The following PELI1 variants were observed in gnomAD, a reference collection of about 807,000 sequenced individuals.
The protein encoded by PELI1 is pellino E3 ubiquitin protein ligase 1.
Under a neutral mutation model 41.3 loss-of-function variants are expected in PELI1, and 15 were observed. The observed-to-expected ratio is 0.36, with a 90% CI of 0.24 to 0.56. The LOEUF is 0.56. Among genes scored for constraint, PELI1 ranks in the 20% least tolerant of loss-of-function variants. The probability of loss-of-function intolerance (pLI) is 0.82; values close to 1 mark genes in which losing one functional copy is unlikely to be tolerated. For missense variants in PELI1, 403 were observed against 525.5 expected, an observed-to-expected ratio of 0.77 and a Z score of 2.28; for synonymous variants, 178 against 180.1, an observed-to-expected ratio of 0.99 and a Z score of 0.09.
chr2:64,108,497 C>G, intron 1 of PELI1, 118 bp from the exon 2 acceptor site: 1 of 494,942 alleles, frequency 2.0e-6, no homozygotes. Context: ...AAGGTATATA[C>G]ATTTTATGGG....
intron 3 of PELI1, among the ~76,000 whole-genome samples, chr2:64,101,339 A>G (rs1680424446): frequency 6.6e-6 from 1 of 151,978 alleles, no homozygotes; most frequent in Admixed American, 6.5e-5. Flanking sequence ...TAAAAAAAAA[A>G]AACAAAAGAA....
At chr2:64,122,691 A>G (rs1181620956) in intron 1 of PELI1, among the ~76,000 whole-genome samples, 1 of 152,174 alleles carries the variant, frequency 6.6e-6, no homozygotes, top group African/African-American at 2.4e-5. Flanking sequence ...GGCATTTGCT[A>G]TTCTACAGTA....
At chr2:64,127,304 C>CCAGGCAGGAGGACTGCTTGAGCA (rs1266630354) in intron 1 of PELI1, among the ~76,000 whole-genome samples, 1 of 152,090 alleles carries the variant, frequency 6.6e-6, no homozygotes, top group Non-Finnish European at 1.5e-5. Context: ...TTTGGGAGGC[C>CCAGGCAGGAGGACTGCTTGAGCA]CAGGCAGGAG....
intron 1 of PELI1, among the ~76,000 whole-genome samples, chr2:64,130,300 C>T (rs1020424321): frequency 4.6e-5 from 7 of 152,114 alleles, no homozygotes; most frequent in African/African-American, 1.2e-4. Context: ...CACTATGCTA[C>T]GTTCATATAT....
chr2:64,111,977 C>T (rs1004429100), intron 1 of PELI1, among the ~76,000 whole-genome samples: 1 of 152,018 alleles, frequency 6.6e-6, no homozygotes, highest in Non-Finnish European at 1.5e-5. Flanking sequence ...AATTTAATAA[C>T]AATTAAATTT....
At chr2:64,139,006 C>A (rs1333012093) in intron 1 of PELI1, among the ~76,000 whole-genome samples, 1 of 152,228 alleles carries the variant, frequency 6.6e-6, no homozygotes, top group Non-Finnish European at 1.5e-5. Context: ...AAAACCCACA[C>A]ATCACATTTT....
chr2:64,099,390 AT>A (rs1680350573), intron 4 of PELI1, among the ~76,000 whole-genome samples: 2 of 152,300 alleles, frequency 1.3e-5, no homozygotes, highest in South Asian at 4.1e-4. Context: ...GTGAAAAATC[AT>A]CCTAAAGCTT....
intron 2 of PELI1, among the ~76,000 whole-genome samples, chr2:64,106,022 A>G (rs1432189232): frequency 6.6e-6 from 1 of 152,232 alleles, no homozygotes; most frequent in African/African-American, 2.4e-5. Context: ...CCTTTATAAA[A>G]AATAAAATAC....
At chr2:64,127,933 A>G (rs1681441291) in intron 1 of PELI1, among the ~76,000 whole-genome samples, 1 of 152,158 alleles carries the variant, frequency 6.6e-6, no homozygotes, top group Non-Finnish European at 1.5e-5. Context: ...TCAGATAAAA[A>G]CAGGCTCCTC....
intron 1 of PELI1, among the ~76,000 whole-genome samples, chr2:64,135,277 C>CT (rs1681679599): frequency 1.3e-5 from 2 of 152,202 alleles, no homozygotes; most frequent in South Asian, 4.1e-4. Flanking sequence ...TAAACTCAAA[C>CT]TGTTTCCTAC....
chr2:64,138,098 T>G (rs567960653), intron 1 of PELI1, among the ~76,000 whole-genome samples: 48 of 152,260 alleles, frequency 3.2e-4, no homozygotes, highest in African/African-American at 9.9e-4. Context: ...ACGCTAGTTT[T>G]TTTTGTTTTG....
At chr2:64,123,833 CTG>C (rs1335938609) in intron 1 of PELI1, among the ~76,000 whole-genome samples, 2 of 152,172 alleles carry the variant, frequency 1.3e-5, no homozygotes, top group African/African-American at 4.8e-5. Flanking sequence ...CACACACAGA[CTG>C]TGCATTAATG....
At chr2:64,126,137 T>G (rs1681375096) in intron 1 of PELI1, among the ~76,000 whole-genome samples, 1 of 152,204 alleles carries the variant, frequency 6.6e-6, no homozygotes, top group Non-Finnish European at 1.5e-5. Context: ...GCTTTGATGT[T>G]GGAGCAGTTC....
intron 1 of PELI1, among the ~76,000 whole-genome samples, chr2:64,110,123 A>T (rs1197542816): frequency 1.3e-5 from 2 of 151,816 alleles, no homozygotes; most frequent in Admixed American, 1.3e-4. Context: ...TGTGCCTTGT[A>T]GTCCTAGCTA....
At chr2:64,096,754 A>G in intron 4 of PELI1, 144 bp from the exon 5 acceptor site, 1 of 593,644 alleles carries the variant, frequency 1.7e-6, no homozygotes, top group Non-Finnish European at 3.0e-6. Flanking sequence ...GGGGGCATCT[A>G]TACTCTTGAA....
chr2:64,117,569 C>A (rs1371460751), intron 1 of PELI1, among the ~76,000 whole-genome samples: 1 of 152,082 alleles, frequency 6.6e-6, no homozygotes, highest in Non-Finnish European at 1.5e-5. Context: ...CCATTATAAG[C>A]TCCATTCAAA....
At chr2:64,117,966 C>T (rs375532021) in intron 1 of PELI1, among the ~76,000 whole-genome samples, 5 of 151,994 alleles carry the variant, frequency 3.3e-5, no homozygotes, top group African/African-American at 7.3e-5. Context: ...CATGCCACCA[C>T]GCCCAGCTAA....
chr2:64,104,871 C>T (rs929126484), intron 2 of PELI1, 41 bp from the exon 3 acceptor site: 11 of 1,571,328 alleles, frequency 7.0e-6, no homozygotes, highest in South Asian at 1.1e-5. Flanking sequence ...CTTGCAAGAA[C>T]TGCACAATTA....
At chr2:64,123,954 C>T (rs1367241790) in intron 1 of PELI1, among the ~76,000 whole-genome samples, 1 of 152,106 alleles carries the variant, frequency 6.6e-6, no homozygotes, top group Non-Finnish European at 1.5e-5. Flanking sequence ...TATTATTTTG[C>T]AATAAAAAGG....
Sources: allele counts gnomAD v4.1 joint callset (sites outside exome capture counted in the v4.1 genomes callset), GRCh38; gene constraint gnomAD v4.1.1; transcripts MANE v1.5; gene names NCBI Gene and HGNC (gene_info 2026-07-23, HGNC 2026-07-21).